OSTF1: variants seen among roughly 807,000 people sequenced by gnomAD.
OSTF1 encodes osteoclast-stimulating factor 1.
OSTF1 carries 27 observed loss-of-function variants against 37.2 expected under a neutral mutation model. The observed-to-expected ratio is 0.73, with a 90% CI of 0.54 to 1.00. OSTF1 has a LOEUF of 1.00. Among genes scored for constraint, OSTF1 ranks in the 50% least tolerant of loss-of-function variants. The pLI, the probability that OSTF1 is intolerant of heterozygous loss-of-function variation, is 0.00. For missense variants in OSTF1, 232 were observed against 253.8 expected (o/e 0.91, Z 0.58); for synonymous variants, 82 against 89.2 (o/e 0.92, Z 0.46).
At chr9:75,130,820 C>A (rs1825751024) in intron 4 of OSTF1, among the ~76,000 whole-genome samples, 179 bp downstream of exon 4, 1 of 152,134 alleles carries the variant, frequency 6.6e-6, no homozygotes. Flanking sequence ...TGTGCTTGAG[C>A]CTGACTCTGT....
At chr9:75,112,597 A>T (rs1349889891) in intron 1 of OSTF1, among the ~76,000 whole-genome samples, 1 of 152,260 alleles carries the variant, frequency 6.6e-6, no homozygotes, top group African/African-American at 2.4e-5. Context: ...TTCACTGTTT[A>T]GTATAAATCA....
chr9:75,106,420 G>A lies in OSTF1; in HGVS notation c.35-11084G>A, dbSNP rs1209931780. ...AGCACTTTGAGAGGCTGAGGCAGGC[G>A]GATCACCTGAAGTCAGGAGTTCAAG... is the stretch of plus-strand genomic sequence containing the variant. On this transcript the variant is annotated intron_variant, in intron 1 of 9. Transcript: ENST00000346234. 4.6e-5 allele frequency among the ~76,000 whole-genome samples: 7 copies of A among 152,156 alleles called. No individual in the cohort carries two copies. In the South Asian group the frequency reaches 1.0e-3, roughly 23 times the overall value.
In OSTF1 at chr9:75,128,527, C is replaced by CAT. The variant is rs60938396; in HGVS notation, c.132+925_132+926dup. 3.3e-4 allele frequency among the ~76,000 whole-genome samples: 2 copies of CAT among 6,130 alleles called. 1 individual carries two copies. The highest frequency in any genetic ancestry group is 1.3e-3 in the African/African-American group (2 of 1,588). The allele number at this position is 6,130 out of a possible 152,430, so 4.0% of individuals were successfully genotyped here. On this transcript the variant is annotated intron_variant, in intron 3 of 9. Coordinates refer to ENST00000346234, the MANE Select transcript of OSTF1 (RefSeq NM_012383.5). ...CATATATATATATATATATTTTGTC[C>CAT]ATATATATATATATATATTTTGTCC...
intron 1 of OSTF1, among the ~76,000 whole-genome samples, chr9:75,113,749 G>T (rs1190923509): frequency 6.6e-6 from 1 of 152,184 alleles, no homozygotes; most frequent in Non-Finnish European, 1.5e-5. Flanking sequence ...ATTGTGGAAT[G>T]ACTAAATCAA....
At chr9:75,134,312 T>C (rs781247625) in intron 6 of OSTF1, 34 bp from the exon 7 acceptor site, 3 of 1,147,574 alleles carry the variant, frequency 2.6e-6, no homozygotes, top group Non-Finnish European at 3.9e-6. Flanking sequence ...CTAATTTTCG[T>C]TCTTAAAAGG....
chr9:75,122,940 C>T (rs777653674), intron 2 of OSTF1, among the ~76,000 whole-genome samples: 1 of 152,128 alleles, frequency 6.6e-6, no homozygotes, highest in African/African-American at 2.4e-5. Context: ...CTAAACTTTT[C>T]ATAAAATATA....
chr9:75,123,652 G>A (rs139932563), intron 2 of OSTF1, among the ~76,000 whole-genome samples: 184 of 152,328 alleles, frequency 1.2e-3, no homozygotes, highest in Middle Eastern at 0.01. Context: ...TTACCGTGTT[G>A]TATGTACTGC....
At chr9:75,126,154 A>G (rs1825658331) in intron 2 of OSTF1, among the ~76,000 whole-genome samples, 1 of 152,158 alleles carries the variant, frequency 6.6e-6, no homozygotes, top group South Asian at 2.1e-4. Context: ...TCCTCAAGTG[A>G]TCTGCCCGCC....
chr9:75,110,798 C>T (rs1282092527), intron 1 of OSTF1, among the ~76,000 whole-genome samples: 1 of 151,840 alleles, frequency 6.6e-6, no homozygotes, highest in African/African-American at 2.4e-5. Flanking sequence ...GCAGCCTTGA[C>T]CTCCTGGGTT....
At chr9:75,141,622 AT>A (rs1248189742) in intron 9 of OSTF1, among the ~76,000 whole-genome samples, 2 of 152,208 alleles carry the variant, frequency 1.3e-5, no homozygotes, top group Admixed American at 1.3e-4. Flanking sequence ...CTCCATGATT[AT>A]ATTTTATTTC....
At chr9:75,136,803 G>C (rs1424577722) in intron 7 of OSTF1, among the ~76,000 whole-genome samples, 1 of 152,138 alleles carries the variant, frequency 6.6e-6, no homozygotes, top group Non-Finnish European at 1.5e-5. Flanking sequence ...ATTTTGCTAG[G>C]TGACACCCAA....
chr9:75,099,679 A>T (rs1825155156), intron 1 of OSTF1, among the ~76,000 whole-genome samples: 1 of 152,136 alleles, frequency 6.6e-6, no homozygotes, highest in Non-Finnish European at 1.5e-5. Flanking sequence ...AATACAACAA[A>T]TTAGCCGGGT....
chr9:75,105,881 T>C (rs988818544), intron 1 of OSTF1, among the ~76,000 whole-genome samples: 13 of 152,348 alleles, frequency 8.5e-5, no homozygotes, highest in Non-Finnish European at 1.9e-4. Flanking sequence ...CTAGTAGGTA[T>C]GGCCCATCAA....
In OSTF1 at chr9:75,146,844, T is replaced by C. The variant is rs1826033879; in HGVS notation, c.*103T>C. 1 of 767,596 alleles carries C rather than the reference T, an allele frequency of 1.3e-6. No individual in the cohort carries two copies. Among genetic ancestry groups the C allele is most frequent in the Non-Finnish European group, 2.2e-6 (1 of 454,324 alleles). 47.5% of individuals were successfully genotyped at this position (767,596 alleles called of 1,614,324 possible). ...TGGTAACTATAAAGAAAATTATATA[T>C]GAACACGGCAGTGTTGCACTGTGTT... On this transcript the variant is annotated 3_prime_UTR_variant, in exon 10 of 10. Coordinates refer to ENST00000346234, the MANE Select transcript of OSTF1 (RefSeq NM_012383.5).
intron 1 of OSTF1, among the ~76,000 whole-genome samples, chr9:75,110,299 C>G (rs1158392482): frequency 2.6e-5 from 4 of 151,780 alleles, no homozygotes; most frequent in Non-Finnish European, 5.9e-5. Flanking sequence ...TTTACTGTTT[C>G]CATAGTTTTG....
At chr9:75,122,448 C>A (rs1825595443) in intron 2 of OSTF1, among the ~76,000 whole-genome samples, 1 of 152,196 alleles carries the variant, frequency 6.6e-6, no homozygotes, top group Non-Finnish European at 1.5e-5. Flanking sequence ...GTATACTTTG[C>A]AAGTAAAATA....
intron 3 of OSTF1, among the ~76,000 whole-genome samples, chr9:75,128,895 A>T (rs547397866): frequency 6.6e-6 from 1 of 152,150 alleles, no homozygotes; most frequent in East Asian, 1.9e-4. Flanking sequence ...AAACAAAAAT[A>T]TTCCCTGCTG....
intron 2 of OSTF1, among the ~76,000 whole-genome samples, chr9:75,126,840 C>A (rs1045712030): frequency 6.6e-6 from 1 of 152,304 alleles, no homozygotes; most frequent in South Asian, 2.1e-4. Flanking sequence ...AACCACCTGC[C>A]TTGGTCTCCC....
intron 1 of OSTF1, among the ~76,000 whole-genome samples, chr9:75,114,201 T>G (rs1343572170): frequency 6.6e-6 from 1 of 152,184 alleles, no homozygotes; most frequent in Non-Finnish European, 1.5e-5. Context: ...AAATTCATTC[T>G]GCCGTTGATG....
Sources: allele counts gnomAD v4.1 joint callset (sites outside exome capture counted in the v4.1 genomes callset), GRCh38; gene constraint gnomAD v4.1.1; transcripts MANE v1.5; gene names NCBI Gene and HGNC (gene_info 2026-07-23, HGNC 2026-07-21).